MON1A: variants seen among roughly 807,000 people sequenced by gnomAD.
The protein encoded by MON1A is MON1 vesicular trafficking associated A.
In MON1A, 29 loss-of-function variants were observed where a neutral mutation model predicts 44.6. The ratio of observed to expected loss-of-function variants is 0.65; its 90% CI spans 0.48 to 0.89. The LOEUF (loss-of-function observed/expected upper bound fraction) is 0.89, where lower values mean the gene tolerates loss of function less well. Ranked by LOEUF, MON1A falls within the 40% of genes least tolerant of loss-of-function variation. The pLI, the probability that MON1A is intolerant of heterozygous loss-of-function variation, is 0.00. For missense variants in MON1A, 615 were observed against 759.6 expected (o/e 0.81, Z 2.24); for synonymous variants, 275 against 316.4 (o/e 0.87, Z 1.39).
In MON1A at chr3:49,918,308, G is replaced by A. The variant is rs2082965802; in HGVS notation, c.-13-4949C>T. On this transcript the variant is annotated intron_variant, in intron 1 of 5. Transcript: ENST00000296473. Reference sequence around the variant, plus strand: ...GCCGAGATCATGCCACTGCACTCCAGCCTGGGCAACAAGAGCGAAACTCTG... The same window carrying A: ...GCCGAGATCATGCCACTGCACTCCAACCTGGGCAACAAGAGCGAAACTCTG... 2.0e-5 allele frequency among the ~76,000 whole-genome samples: 3 copies of A among 151,862 alleles called. No individual in the cohort carries two copies. In the South Asian group the frequency reaches 6.3e-4, roughly 32 times the overall value.
chr3:49,910,468 C>A lies in MON1A; in HGVS notation c.1030G>T (p.Asp344Tyr). 6.2e-7 allele frequency: 1 copy of A among 1,614,142 alleles called. No individual in the cohort carries two copies. Among genetic ancestry groups the A allele is most frequent in the Non-Finnish European group, 8.5e-7 (1 of 1,180,006 alleles). The stretch of plus-strand genomic sequence containing the variant: ...ATGAGGTTGAAGAGCAGGTGCAGGT[C>A]GATGGGGTGCAGAAATTGGTCCTTT... ...RRKDQFLHPI[D>Y]LHLLFNLISS... is the part of the protein sequence containing the mutation. Residue 344 changes from aspartate (D) to tyrosine (Y), a missense_variant, in exon 4 of 6, where the codon GAC becomes TAC. Coordinates refer to ENST00000296473, the MANE Select transcript of MON1A (RefSeq NM_032355.4). This position sits in a 1 kb window ranked among gnomAD's most constrained non-coding sequence, Gnocchi z 8.0.
chr3:49,918,398 GCCAGAATAGGCCTT>G (rs1191924238), intron 1 of MON1A, among the ~76,000 whole-genome samples: 2 of 151,180 alleles, frequency 1.3e-5, no homozygotes, highest in Non-Finnish European at 3.0e-5. Context: ...TACCTCATCT[GCCAGAATAGGCCTT>G]CCCTCTTTTT....
chr3:49,922,124 C>T (rs2108537991), intron 1 of MON1A, among the ~76,000 whole-genome samples: 1 of 134,754 alleles, frequency 7.4e-6, no homozygotes, highest in East Asian at 2.1e-4. Flanking sequence ...GCAATAAGAG[C>T]AAAGCTCTGT....
chr3:49,918,330 T>A (rs1216563149), intron 1 of MON1A, among the ~76,000 whole-genome samples: 1 of 150,506 alleles, frequency 6.6e-6, no homozygotes, highest in African/African-American at 2.4e-5. Flanking sequence ...AGAGCGAAAC[T>A]CTGTCTCAAA....
rs1277279482 is a variant in MON1A, at chr3:49,909,730, C to A, written c.1380-330G>T. The A allele has an allele frequency of 1.1e-5, 4 of 358,590 alleles. No homozygotes were observed. Among genetic ancestry groups the A allele is most frequent in the Non-Finnish European group, 2.0e-5 (4 of 197,506 alleles). 22.2% of individuals were successfully genotyped at this position (358,590 alleles called of 1,614,324 possible). A position where few individuals can be genotyped will look rare whatever the true frequency, so the allele number is the denominator to read the frequency against. The stretch of plus-strand genomic sequence containing the variant: ...AAAGGTGAGCTAGGAATCCTGTGGG[C>A]CAAAAGGGACAAAGGGAGGCCATAT... On this transcript the variant is annotated intron_variant, in intron 4 of 5. Coordinates refer to ENST00000296473, the MANE Select transcript of MON1A (RefSeq NM_032355.4). This position sits in a 1 kb window ranked among gnomAD's most constrained non-coding sequence, Gnocchi z 4.0.
chr3:49,923,801 G>A (rs553972762), intron 1 of MON1A, among the ~76,000 whole-genome samples: 4 of 151,144 alleles, frequency 2.6e-5, no homozygotes, highest in African/African-American at 9.7e-5. Context: ...CCTTGGAGTC[G>A]GCCGGGCACG....
chr3:49,912,134 C>T, intron 2 of MON1A, 123 bp from the exon 3 acceptor site: 1 of 1,179,818 alleles, frequency 8.5e-7, no homozygotes, highest in Non-Finnish European at 1.2e-6. Context: ...CCACTGTTCC[C>T]TTCTGCCACT....
chr3:49,914,262 T>C (rs1394274894), intron 1 of MON1A, among the ~76,000 whole-genome samples: 2 of 151,800 alleles, frequency 1.3e-5, no homozygotes, highest in Non-Finnish European at 2.9e-5. Flanking sequence ...TTTGTATTTT[T>C]AGTAGAGACG....
At position 49,910,245 on chromosome 3, in the gene MON1A, C is replaced by G. The variant is rs1475777459; in HGVS notation, c.1253G>C (p.Arg418Pro). Reference sequence around the variant, plus strand: ...CAGGGCCAGGTGGGCTCCGCGCTTGCGAAGGCGCTCCTGGAAGCGGCGGCG... The same window carrying G: ...CAGGGCCAGGTGGGCTCCGCGCTTGGGAAGGCGCTCCTGGAAGCGGCGGCG... ...DCRRRFQERL[R>P]KRGAHLALRE... is the part of the protein sequence containing the mutation. Residue 418 changes from arginine (R) to proline (P), a missense_variant, in exon 4 of 6, where the codon CGC (arginine) becomes CCC (proline). Transcript: ENST00000296473. The surrounding 1 kb of genome is among the most constrained non-coding windows in gnomAD (Gnocchi z 8.0). 1.2e-6 allele frequency: 2 copies of G among 1,614,086 alleles called. No homozygotes were observed.
At chr3:49,927,774 G>A (rs1476617899) in intron 1 of MON1A, among the ~76,000 whole-genome samples, 3 of 151,904 alleles carry the variant, frequency 2.0e-5, no homozygotes, top group Admixed American at 1.3e-4. Flanking sequence ...GGTGGCAGGC[G>A]CCTATAATCC....
In MON1A at chr3:49,910,283, T is replaced by C. The variant is rs1271943591; in HGVS notation, c.1215A>G (p.Ala405=). The change falls in exon 4 of 6, where the codon GCA becomes GCG. Residue 405 remains alanine (A), a synonymous_variant. Coordinates refer to ENST00000296473, the MANE Select transcript of MON1A (RefSeq NM_032355.4). The surrounding 1 kb of genome is among the most constrained non-coding windows in gnomAD (Gnocchi z 8.0). ...GGAAGCGGCGGCGGCAGTCAGAGAC[T>C]GCAAAGAAGTCCTCACGGTCAGTGG... The part of the protein sequence containing the change: ...LVSTDREDFF[A]VSDCRRRFQE... The C allele has an allele frequency of 6.2e-7, 1 of 1,614,020 alleles. No individual in the cohort carries two copies. The highest frequency in any genetic ancestry group is 1.7e-5 in the Admixed American group (1 of 60,010).
chr3:49,909,486 AG>A lies in MON1A; in HGVS notation c.1380-87del. 1 of 1,544,870 alleles carries A rather than the reference AG, an allele frequency of 6.5e-7. No homozygotes were observed. The highest frequency in any genetic ancestry group is 8.8e-7 in the Non-Finnish European group (1 of 1,136,030). ...GATTTAGAAACACCTATTCCTATCCAGGAAGACTCTATCTTATGTCCTACCC... is the reference window on the plus strand; with the variant it reads ...GATTTAGAAACACCTATTCCTATCCAGAAGACTCTATCTTATGTCCTACCC... On this transcript the variant is annotated intron_variant, in intron 4 of 5. Transcript: ENST00000296473. The surrounding 1 kb of genome is among the most constrained non-coding windows in gnomAD (Gnocchi z 4.0).
chr3:49,909,196 C>G lies in MON1A; in HGVS notation c.1528-42G>C. ...GGGTCGTCATCTAGGTTAGAGGCCCCTCATGGCCCATACCTAGGACCTCCA... is the reference window on the plus strand; with the variant it reads ...GGGTCGTCATCTAGGTTAGAGGCCCGTCATGGCCCATACCTAGGACCTCCA... On this transcript the variant is annotated intron_variant, in intron 5 of 5. Transcript: ENST00000296473. This position sits in a 1 kb window ranked among gnomAD's most constrained non-coding sequence, Gnocchi z 4.0. The G allele has an allele frequency of 6.2e-7, 1 of 1,612,430 alleles. No individual in the cohort carries two copies. The highest frequency in any genetic ancestry group is 8.5e-7 in the Non-Finnish European group (1 of 1,179,024).
Position 49,910,109 on chromosome 3 carries a change from C to T in MON1A, c.1379+10G>A, listed in dbSNP as rs564224774. 6.3e-7 allele frequency: 1 copy of T among 1,575,090 alleles called. No homozygotes were observed. Among genetic ancestry groups the T allele is most frequent in the South Asian group, 1.2e-5 (1 of 85,988 alleles). On this transcript the variant is annotated intron_variant, in intron 4 of 5. Transcript: ENST00000296473. This position sits in a 1 kb window ranked among gnomAD's most constrained non-coding sequence, Gnocchi z 8.0. ...CCCGCTACAGCAGTGCCCTCAAGGC[C>T]CTCCCTCACCTGGTGAAGAGTCCCG...
At position 49,911,003 on chromosome 3, in the gene MON1A, T is replaced by A; in HGVS notation, c.614-119A>T. 1 of 998,068 alleles carries A rather than the reference T, an allele frequency of 1.0e-6. No homozygotes were observed. The highest frequency in any genetic ancestry group is 1.4e-6 in the Non-Finnish European group (1 of 694,378). 61.8% of individuals were successfully genotyped at this position (998,068 alleles called of 1,614,324 possible). Reference sequence around the variant, plus strand: ...TCCTCGCTCAGAGCTCTGCGCACAGTAGGGGTTTAAGGATGTTCAGGATAA... The same window carrying A: ...TCCTCGCTCAGAGCTCTGCGCACAGAAGGGGTTTAAGGATGTTCAGGATAA... On this transcript the variant is annotated intron_variant, in intron 3 of 5. Transcript: ENST00000296473. This position sits in a 1 kb window ranked among gnomAD's most constrained non-coding sequence, Gnocchi z 5.7.
intron 1 of MON1A, among the ~76,000 whole-genome samples, chr3:49,913,706 A>G (rs919118250): frequency 7.6e-6 from 1 of 131,868 alleles, no homozygotes; most frequent in South Asian, 2.3e-4. Context: ...TCTGCCGCCC[A>G]GGCTGGAGTG....
chr3:49,919,522 C>T (rs1357985197), intron 1 of MON1A, among the ~76,000 whole-genome samples: 1 of 152,186 alleles, frequency 6.6e-6, no homozygotes, highest in African/African-American at 2.4e-5. Context: ...CTCTGTCACC[C>T]AGGCTGGAGT....
At chr3:49,919,624 C>T (rs772943443) in intron 1 of MON1A, among the ~76,000 whole-genome samples, 4 of 152,144 alleles carry the variant, frequency 2.6e-5, no homozygotes, top group South Asian at 2.1e-4. Context: ...GGATTACAGA[C>T]GCCCACCACC....
Position 49,910,524 on chromosome 3 carries a change from G to A in MON1A, c.974C>T (p.Ala325Val), listed in dbSNP as rs2082864128. The A allele has an allele frequency of 6.2e-7, 1 of 1,613,854 alleles. No individual in the cohort carries two copies. The highest frequency in any genetic ancestry group is 8.5e-7 in the Non-Finnish European group (1 of 1,179,898). ...ARSLVFSILL[A>V]RNQLVALVRR... ...CACGAGTGCCACGAGCTGGTTGCGG[G>A]CCAGCAGGATGGAGAAGACCAGGCT... The change falls in exon 4 of 6, where the codon GCC becomes GTC. Residue 325 changes from alanine (A) to valine (V), a missense_variant. Transcript: ENST00000296473. This position sits in a 1 kb window ranked among gnomAD's most constrained non-coding sequence, Gnocchi z 8.0.
Sources: allele counts gnomAD v4.1 joint callset (sites outside exome capture counted in the v4.1 genomes callset), GRCh38; gene constraint gnomAD v4.1.1; non-coding constraint Gnocchi (gnomAD v3.1); transcripts MANE v1.5; gene names NCBI Gene and HGNC (gene_info 2026-07-23, HGNC 2026-07-21).